PPARGC1A: variants seen among roughly 807,000 people sequenced by gnomAD.
The protein encoded by PPARGC1A is peroxisome proliferator-activated receptor gamma coactivator 1-alpha.
Under a neutral mutation model 88.7 loss-of-function variants are expected in PPARGC1A, and 25 were observed. The ratio of observed to expected loss-of-function variants is 0.28; its 90% CI spans 0.21 to 0.39. The LOEUF is 0.39. Among genes scored for constraint, PPARGC1A ranks in the 10% least tolerant of loss-of-function variants. The probability of loss-of-function intolerance (pLI) is 1.00; values close to 1 mark genes in which losing one functional copy is unlikely to be tolerated. For synonymous variants in PPARGC1A, 363 were observed against 355.6 expected (o/e 1.02, Z -0.24); for missense variants, 880 against 968.7 (o/e 0.91, Z 1.22).
the PPARGC1A span, among the ~76,000 whole-genome samples, chr4:24,177,961 A>T: frequency 6.6e-6 from 1 of 152,168 alleles, no homozygotes; most frequent in Non-Finnish European, 1.5e-5. Flanking sequence ...CTTGTAAGGG[A>T]ACTGGATTCT....
chr4:24,030,769 G>C, the PPARGC1A span, among the ~76,000 whole-genome samples: 22 of 152,254 alleles, frequency 1.4e-4, no homozygotes, highest in Admixed American at 7.2e-4. Flanking sequence ...TTTCTAATGG[G>C]AGACACAGAG....
At chr4:24,401,379 T>C in the PPARGC1A span, among the ~76,000 whole-genome samples, 1 of 152,154 alleles carries the variant, frequency 6.6e-6, no homozygotes, top group Non-Finnish European at 1.5e-5. Flanking sequence ...ATTATTATGA[T>C]GGTGCCACTC....
At chr4:24,140,843 TAGA>T in the PPARGC1A span, among the ~76,000 whole-genome samples, 282 of 152,252 alleles carry the variant, frequency 1.9e-3, 2 homozygotes, top group African/African-American at 6.6e-3. Flanking sequence ...CCTTTCAGAC[TAGA>T]AGGAGACATT....
intron 2 of PPARGC1A, among the ~76,000 whole-genome samples, chr4:23,854,668 G>A (rs931681293): frequency 6.7e-6 from 1 of 148,762 alleles, no homozygotes; most frequent in African/African-American, 2.5e-5. Context: ...GTACTAAACT[G>A]TTTGGTTCAA....
the PPARGC1A span, among the ~76,000 whole-genome samples, chr4:24,418,407 T>C: frequency 6.6e-6 from 1 of 152,190 alleles, no homozygotes. Flanking sequence ...GTAGAACAAA[T>C]GTATACTGAA....
chr4:24,309,259 GT>G, the PPARGC1A span, among the ~76,000 whole-genome samples: 8 of 152,172 alleles, frequency 5.3e-5, no homozygotes, highest in Non-Finnish European at 1.2e-4. Context: ...ATTAGGCAAG[GT>G]AGCTTTAAGA....
At chr4:23,832,509 T>C (rs1725197357) in intron 2 of PPARGC1A, among the ~76,000 whole-genome samples, 1 of 152,186 alleles carries the variant, frequency 6.6e-6, no homozygotes, top group Admixed American at 6.5e-5. Context: ...CTGTGATCAG[T>C]CACTGAATAA....
chr4:24,428,952 G>A, the PPARGC1A span, among the ~76,000 whole-genome samples: 2 of 152,168 alleles, frequency 1.3e-5, no homozygotes, highest in Admixed American at 1.3e-4. Flanking sequence ...TTGACCTCTG[G>A]AAGTGATGAG....
At chr4:24,275,659 T>A in the PPARGC1A span, among the ~76,000 whole-genome samples, 1 of 152,190 alleles carries the variant, frequency 6.6e-6, no homozygotes, top group African/African-American at 2.4e-5. Context: ...TACATCAAAT[T>A]TACAACTTTA....
chr4:24,316,707 T>C, the PPARGC1A span, among the ~76,000 whole-genome samples: 1 of 152,214 alleles, frequency 6.6e-6, no homozygotes, highest in African/African-American at 2.4e-5. Flanking sequence ...AGCTGCAGAA[T>C]GGGAAGAATA....
the PPARGC1A span, among the ~76,000 whole-genome samples, chr4:24,451,204 G>T: frequency 2.0e-5 from 3 of 152,094 alleles, no homozygotes; most frequent in African/African-American, 7.2e-5. Flanking sequence ...AATGGATATT[G>T]TTTCTATATT....
At chr4:24,462,491 C>T in the PPARGC1A span, among the ~76,000 whole-genome samples, 1 of 152,010 alleles carries the variant, frequency 6.6e-6, no homozygotes, top group Non-Finnish European at 1.5e-5. Flanking sequence ...AACATGGGCT[C>T]AGACACCAGA....
the PPARGC1A span, among the ~76,000 whole-genome samples, chr4:24,166,886 T>C: frequency 1.3e-5 from 2 of 152,208 alleles, no homozygotes; most frequent in Non-Finnish European, 2.9e-5. Context: ...ATACAATGCT[T>C]CTCATAGAAT....
chr4:24,164,732 T>C, the PPARGC1A span, among the ~76,000 whole-genome samples: 63 of 152,310 alleles, frequency 4.1e-4, no homozygotes, highest in African/African-American at 1.5e-3. Context: ...TATCATAGCT[T>C]GCAGCACATG....
At chr4:23,799,115 T>C (rs1718172525) in intron 12 of PPARGC1A, among the ~76,000 whole-genome samples, 1 of 152,158 alleles carries the variant, frequency 6.6e-6, no homozygotes, top group African/African-American at 2.4e-5. Flanking sequence ...ATGTGTATGC[T>C]CCTAACCCCT....
the PPARGC1A span, among the ~76,000 whole-genome samples, chr4:24,196,716 G>A: frequency 2.6e-5 from 4 of 152,172 alleles, no homozygotes; most frequent in Non-Finnish European, 5.9e-5. Flanking sequence ...GTCTTCATTT[G>A]ATGGGAATCC....
the PPARGC1A span, among the ~76,000 whole-genome samples, chr4:24,156,759 T>G: frequency 6.6e-6 from 1 of 151,996 alleles, no homozygotes; most frequent in East Asian, 1.9e-4. Context: ...TTTTAACTTT[T>G]GTTTAATCAG....
the PPARGC1A span, among the ~76,000 whole-genome samples, chr4:24,306,597 G>A: frequency 1.3e-5 from 2 of 152,186 alleles, no homozygotes; most frequent in Admixed American, 1.3e-4. Context: ...CGGCTTGATT[G>A]AAAATATTTT....
chr4:24,064,343 T>C, the PPARGC1A span, among the ~76,000 whole-genome samples: 1 of 151,948 alleles, frequency 6.6e-6, no homozygotes, highest in East Asian at 1.9e-4. Flanking sequence ...GGAGACTTGG[T>C]TGAGGTAAGG....
Sources: allele counts gnomAD v4.1 joint callset (sites outside exome capture counted in the v4.1 genomes callset), GRCh38; gene constraint gnomAD v4.1.1; transcripts MANE v1.5; gene names NCBI Gene and HGNC (gene_info 2026-07-23, HGNC 2026-07-21).